ARHGAP24: variants seen among roughly 807,000 people sequenced by gnomAD.
ARHGAP24 encodes the protein rho GTPase-activating protein 24.
A neutral mutation model predicts 76.4 loss-of-function variants in ARHGAP24; 50 were observed. The observed-to-expected ratio is 0.65, with a 90% CI of 0.52 to 0.83. The LOEUF (loss-of-function observed/expected upper bound fraction) is 0.83. ARHGAP24 is among the 40% of genes least tolerant of loss of function. The pLI is 0.00. For synonymous variants in ARHGAP24, 345 were observed against 323.3 expected (o/e 1.07, Z -0.72); for missense variants, 930 against 914.2 (o/e 1.02, Z -0.22).
chr4:85,477,802 CAG>C (rs1369292456), intron 1 of ARHGAP24, among the ~76,000 whole-genome samples: 3 of 152,290 alleles, frequency 2.0e-5, no homozygotes, highest in African/African-American at 7.2e-5. Context: ...GTTGGTTTCT[CAG>C]GGCTGAAAGC....
intron 3 of ARHGAP24, among the ~76,000 whole-genome samples, chr4:85,741,451 A>G (rs1276682121): frequency 1.3e-5 from 2 of 152,256 alleles, no homozygotes; most frequent in Admixed American, 6.5e-5. Context: ...TTACAGCGAT[A>G]TCATTATATG....
At chr4:85,805,091 G>A (rs983026647) in intron 3 of ARHGAP24, among the ~76,000 whole-genome samples, 24 of 152,132 alleles carry the variant, frequency 1.6e-4, no homozygotes, top group Admixed American at 3.3e-4. Context: ...AAATACGAAT[G>A]CAAGTTGATT....
intron 2 of ARHGAP24, among the ~76,000 whole-genome samples, chr4:85,701,142 C>T (rs956098174): frequency 1.3e-5 from 2 of 152,106 alleles, no homozygotes; most frequent in African/African-American, 4.8e-5. Context: ...GTGATAGTAA[C>T]CACTTGCTAT....
chr4:85,666,589 A>G (rs1393440736), intron 2 of ARHGAP24, among the ~76,000 whole-genome samples: 1 of 152,066 alleles, frequency 6.6e-6, no homozygotes, highest in Non-Finnish European at 1.5e-5. Flanking sequence ...TAGAGTTTCC[A>G]GTTTTTCTGC....
At chr4:85,607,715 G>A (rs372260704) in intron 2 of ARHGAP24, among the ~76,000 whole-genome samples, 2 of 123,230 alleles carry the variant, frequency 1.6e-5, no homozygotes, top group South Asian at 3.0e-4. Context: ...TTGGCACGGC[G>A]TAGCTATGGC....
At chr4:85,986,146 A>G (rs912475256) in intron 8 of ARHGAP24, among the ~76,000 whole-genome samples, 49 of 152,256 alleles carry the variant, frequency 3.2e-4, no homozygotes, top group African/African-American at 1.2e-3. Flanking sequence ...TTCTACTTGA[A>G]AAATTATCTA....
chr4:85,522,649 T>C (rs1403852587), intron 1 of ARHGAP24, among the ~76,000 whole-genome samples: 2 of 152,192 alleles, frequency 1.3e-5, no homozygotes, highest in Non-Finnish European at 2.9e-5. Context: ...ATCCCAACTT[T>C]TCCAAAGTAG....
chr4:85,967,970 A>T (rs1444730924), intron 5 of ARHGAP24, among the ~76,000 whole-genome samples: 1 of 152,174 alleles, frequency 6.6e-6, no homozygotes, highest in Non-Finnish European at 1.5e-5. Context: ...AGCGAGGTAC[A>T]GAGACAGCCC....
In ARHGAP24 at chr4:86,002,579, G is replaced by T. The variant is rs1166155313; in HGVS notation, c.*1857G>T. The T allele has an allele frequency of 6.6e-5, 10 of 151,988 alleles. No individual in the cohort carries two copies. Among genetic ancestry groups the T allele is most frequent in the Admixed American group, 6.6e-4 (10 of 15,264 alleles). The allele number at this position is 151,988 out of a possible 1,614,324, so 9.4% of individuals were successfully genotyped here. A position where few individuals can be genotyped will look rare whatever the true frequency, so the allele number is the denominator to read the frequency against. Reference sequence around the variant, plus strand: ...TATTCAAACTGCTTGGGTTCAAATGGTATACAATTTGCCAGCTGTTACTGA... The same window carrying T: ...TATTCAAACTGCTTGGGTTCAAATGTTATACAATTTGCCAGCTGTTACTGA... On this transcript the variant is annotated 3_prime_UTR_variant, in exon 10 of 10. Coordinates refer to ENST00000395184, the MANE Select transcript of ARHGAP24 (RefSeq NM_001025616.3).
At chr4:85,769,649 C>CT (rs904084134) in intron 3 of ARHGAP24, among the ~76,000 whole-genome samples, 8 of 144,346 alleles carry the variant, frequency 5.5e-5, no homozygotes, top group South Asian at 4.5e-4. Flanking sequence ...TTTCTTTTTT[C>CT]TTTTTTTTTT....
rs763553430 is a variant in ARHGAP24, at chr4:85,542,053, A to G, written c.-20-28469A>G. Among the ~76,000 whole-genome samples the G allele has an allele frequency of 3.3e-5, 5 of 152,344 alleles. No individual in the cohort carries two copies. In the South Asian group the frequency reaches 6.2e-4, roughly 19 times the overall value. The stretch of plus-strand genomic sequence containing the variant: ...TTGAAAGTAAAGAGGTGACCCTTCT[A>G]TAAGCATCTTAAAACCTTTAACTCT... On this transcript the variant is annotated intron_variant, in intron 1 of 9. Coordinates refer to ENST00000395184, the MANE Select transcript of ARHGAP24 (RefSeq NM_001025616.3).
intron 1 of ARHGAP24, among the ~76,000 whole-genome samples, chr4:85,487,879 A>ATATATATAATAAATATATAG (rs1723190641): frequency 8.0e-6 from 1 of 125,282 alleles, no homozygotes; most frequent in African/African-American, 3.1e-5. Flanking sequence ...TAAATATATA[A>ATATATATAATAAATATATAG]TATATATAAT....
chr4:85,818,754 A>C (rs931584385), intron 3 of ARHGAP24, among the ~76,000 whole-genome samples: 2 of 152,162 alleles, frequency 1.3e-5, no homozygotes, highest in South Asian at 2.1e-4. Context: ...TCCAATTTCA[A>C]ATTTCTTCTC....
At chr4:85,818,718 A>G (rs1273846960) in intron 3 of ARHGAP24, among the ~76,000 whole-genome samples, 1 of 152,180 alleles carries the variant, frequency 6.6e-6, no homozygotes, top group Non-Finnish European at 1.5e-5. Context: ...TAGATAATAT[A>G]TATTTTCATT....
At chr4:85,941,617 G>A (rs897761866) in intron 4 of ARHGAP24, among the ~76,000 whole-genome samples, 1 of 151,934 alleles carries the variant, frequency 6.6e-6, no homozygotes, top group African/African-American at 2.4e-5. Flanking sequence ...AAACAAAAGG[G>A]GAAAAAAGAA....
intron 3 of ARHGAP24, among the ~76,000 whole-genome samples, chr4:85,763,135 T>C (rs1479510478): frequency 6.6e-6 from 1 of 152,224 alleles, no homozygotes; most frequent in Non-Finnish European, 1.5e-5. Context: ...AGGAAGCTAC[T>C]ATTCGAAGTG....
At chr4:85,956,985 G>A (rs903159329) in intron 5 of ARHGAP24, among the ~76,000 whole-genome samples, 1 of 152,196 alleles carries the variant, frequency 6.6e-6, no homozygotes, top group Non-Finnish European at 1.5e-5. Flanking sequence ...CCCTCCCGCT[G>A]TGCTCTCAGG....
At chr4:85,942,507 C>A in intron 5 of ARHGAP24, 1 of 501,858 alleles carries the variant, frequency 2.0e-6, no homozygotes, top group East Asian at 3.3e-5. Context: ...TGTTCTTCTT[C>A]TTTGGTACTA....
At chr4:85,540,565 A>T (rs1027760116) in intron 1 of ARHGAP24, among the ~76,000 whole-genome samples, 4 of 152,236 alleles carry the variant, frequency 2.6e-5, no homozygotes, top group Non-Finnish European at 5.9e-5. Context: ...CATACAGTTT[A>T]TGTATACATT....
Sources: allele counts gnomAD v4.1 joint callset (sites outside exome capture counted in the v4.1 genomes callset), GRCh38; gene constraint gnomAD v4.1.1; transcripts MANE v1.5; gene names NCBI Gene and HGNC (gene_info 2026-07-23, HGNC 2026-07-21).